ZNF804B: variants seen among roughly 807,000 people sequenced by gnomAD.
ZNF804B encodes zinc finger 804B.
ZNF804B carries 80 observed loss-of-function variants against 101.4 expected under a neutral mutation model. The observed-to-expected ratio is 0.79, with a 90% CI of 0.66 to 0.95. ZNF804B has a LOEUF of 0.95. ZNF804B is among the 40% of genes least tolerant of loss of function. ZNF804B has a pLI of 0.00. For missense variants in ZNF804B, 1,673 were observed against 1,561.9 expected, an observed-to-expected ratio of 1.07 and a Z score of -1.20; for synonymous variants, 622 against 558.8, an observed-to-expected ratio of 1.11 and a Z score of -1.59.
chr7:89,271,350 T>C (rs1416969492), intron 2 of ZNF804B, among the ~76,000 whole-genome samples: 2 of 152,190 alleles, frequency 1.3e-5, no homozygotes, highest in African/African-American at 4.8e-5. Context: ...TTTGGTTCTG[T>C]TTATATGCTG....
chr7:88,989,670 A>G (rs1793815809), intron 1 of ZNF804B, among the ~76,000 whole-genome samples: 1 of 152,122 alleles, frequency 6.6e-6, no homozygotes, highest in South Asian at 2.1e-4. Flanking sequence ...AATGATACCT[A>G]ATGACATTCA....
intron 1 of ZNF804B, among the ~76,000 whole-genome samples, chr7:88,888,097 A>C (rs982992407): frequency 1.7e-4 from 26 of 152,272 alleles, no homozygotes; most frequent in African/African-American, 6.3e-4. Flanking sequence ...TAATTTTAAA[A>C]ATTTAGTTTT....
intron 1 of ZNF804B, among the ~76,000 whole-genome samples, chr7:89,049,579 G>A (rs1203278112): frequency 1.3e-5 from 2 of 151,820 alleles, no homozygotes; most frequent in Non-Finnish European, 2.9e-5. Context: ...CACAACTTTA[G>A]TACTCAGCTA....
In ZNF804B at chr7:89,310,043, G is replaced by A. The variant is rs73384388; in HGVS notation, c.250-17301G>A. 3.5e-3 allele frequency among the ~76,000 whole-genome samples: 526 copies of A among 150,728 alleles called. 5 individuals are homozygous for A. Among genetic ancestry groups the A allele is most frequent in the African/African-American group, 0.012 (503 of 41,010 alleles). On this transcript the variant is annotated intron_variant, in intron 2 of 3. Coordinates refer to ENST00000333190, the MANE Select transcript of ZNF804B (RefSeq NM_181646.5). ...TCTTCTAACAAGTCGTGTGAGAGTG[G>A]AAGTCTACTCAGGTTGACTTCCAAA...
intron 1 of ZNF804B, among the ~76,000 whole-genome samples, chr7:89,200,590 C>T (rs947494739): frequency 1.3e-5 from 2 of 151,914 alleles, no homozygotes; most frequent in Non-Finnish European, 2.9e-5. Flanking sequence ...ATATTGTTGA[C>T]CTTCCTATAC....
intron 1 of ZNF804B, among the ~76,000 whole-genome samples, chr7:89,070,072 T>C (rs1296852547): frequency 6.6e-6 from 1 of 152,148 alleles, no homozygotes; most frequent in East Asian, 1.9e-4. Context: ...CCAAAGTGTG[T>C]TTTCAAACAC....
At chr7:89,082,174 T>C (rs546858814) in intron 1 of ZNF804B, among the ~76,000 whole-genome samples, 1 of 151,812 alleles carries the variant, frequency 6.6e-6, no homozygotes, top group South Asian at 2.1e-4. Flanking sequence ...TGCCAACTAA[T>C]AATATTACGC....
intron 2 of ZNF804B, among the ~76,000 whole-genome samples, chr7:89,310,470 T>C (rs1790635473): frequency 6.6e-6 from 1 of 152,210 alleles, no homozygotes. Context: ...TAATTTCATG[T>C]TTCTCTTCCT....
chr7:88,769,095 T>C (rs545374097), intron 1 of ZNF804B, among the ~76,000 whole-genome samples: 1 of 152,304 alleles, frequency 6.6e-6, no homozygotes, highest in African/African-American at 2.4e-5. Flanking sequence ...CCTGATGTTG[T>C]AGTGGGGGAA....
At chr7:89,118,660 A>C (rs1790353350) in intron 1 of ZNF804B, among the ~76,000 whole-genome samples, 1 of 152,214 alleles carries the variant, frequency 6.6e-6, no homozygotes, top group Non-Finnish European at 1.5e-5. Flanking sequence ...CCTTACCTTG[A>C]AAATTCCATT....
intron 1 of ZNF804B, among the ~76,000 whole-genome samples, chr7:89,164,028 C>A (rs1290401955): frequency 1.3e-5 from 2 of 151,514 alleles, no homozygotes; most frequent in Non-Finnish European, 2.9e-5. Context: ...TTTTTTTCTA[C>A]ACCTAAATTA....
chr7:88,772,243 C>T (rs1562789482), intron 1 of ZNF804B, among the ~76,000 whole-genome samples: 1 of 152,118 alleles, frequency 6.6e-6, no homozygotes, highest in Non-Finnish European at 1.5e-5. Context: ...ATTTGCTTTC[C>T]TGTCATCATT....
intron 1 of ZNF804B, among the ~76,000 whole-genome samples, chr7:88,810,781 A>C (rs1009453623): frequency 1.3e-5 from 2 of 152,176 alleles, no homozygotes; most frequent in Non-Finnish European, 2.9e-5. Context: ...ATAACCTTCC[A>C]ATCTTCAGCA....
intron 1 of ZNF804B, among the ~76,000 whole-genome samples, chr7:89,111,839 T>C (rs76970429): frequency 0.018 from 2,774 of 152,232 alleles, 89 homozygotes; most frequent in African/African-American, 0.063. Flanking sequence ...TTAAAATAGT[T>C]AAAATAGGGC....
intron 1 of ZNF804B, among the ~76,000 whole-genome samples, chr7:88,955,779 A>C (rs1793296799): frequency 6.6e-6 from 1 of 151,702 alleles, no homozygotes; most frequent in African/African-American, 2.4e-5. Context: ...GGCCTTCTGC[A>C]CAGCACAGGA....
intron 1 of ZNF804B, among the ~76,000 whole-genome samples, chr7:89,135,038 A>T (rs770546119): frequency 2.0e-5 from 3 of 152,136 alleles, no homozygotes; most frequent in Non-Finnish European, 4.4e-5. Context: ...ATCGTTCTAC[A>T]TAGGCACTAG....
chr7:89,267,179 C>T (rs112991664), intron 2 of ZNF804B, among the ~76,000 whole-genome samples: 14 of 152,164 alleles, frequency 9.2e-5, no homozygotes, highest in African/African-American at 3.1e-4. Flanking sequence ...TTAACCCATT[C>T]CCTCAAAATA....
At chr7:89,150,054 T>G (rs565034089) in intron 1 of ZNF804B, among the ~76,000 whole-genome samples, 1 of 152,184 alleles carries the variant, frequency 6.6e-6, no homozygotes, top group East Asian at 1.9e-4. Context: ...ATATCAGAAA[T>G]AAACAATTCA....
At chr7:89,123,403 C>G (rs758531958) in intron 1 of ZNF804B, among the ~76,000 whole-genome samples, 2 of 152,098 alleles carry the variant, frequency 1.3e-5, no homozygotes, top group Non-Finnish European at 2.9e-5. Flanking sequence ...CTCCAATGAT[C>G]AGATGTATTA....
Sources: gnomAD v4.1 joint callset for allele counts (sites outside exome capture counted in the v4.1 genomes callset) on GRCh38, gnomAD v4.1.1 for gene constraint, MANE v1.5 for transcripts, NCBI Gene and HGNC (gene_info 2026-07-23, HGNC 2026-07-21) for gene names.